Variants in RNF207 observed in about 807,000 individuals in gnomAD.
RNF207 encodes OTTHUMG00000001089.
RNF207 carries 72 observed loss-of-function variants against 79.0 expected under a neutral mutation model. That is an observed-to-expected ratio of 0.91 (90% CI 0.75 to 1.11). The LOEUF is 1.11. RNF207 is among the 50% of genes least tolerant of loss of function. RNF207 has a pLI of 0.00. For missense variants in RNF207, 936 were observed against 855.8 expected, an observed-to-expected ratio of 1.09 and a Z score of -1.17; for synonymous variants, 348 against 366.2, an observed-to-expected ratio of 0.95 and a Z score of 0.57.
At chr1:6,219,190 G>T in intron 17 of RNF207, 46 bp from the exon 18 acceptor site, 3 of 1,541,980 alleles carry the variant, frequency 1.9e-6, no homozygotes, top group Non-Finnish European at 2.6e-6. Flanking sequence ...CAGGGATATG[G>T]TGAAATGGGG....
At chr1:6,212,605 G>A in intron 14 of RNF207, 77 bp from the exon 15 acceptor site, 1 of 1,365,632 alleles carries the variant, frequency 7.3e-7, no homozygotes, top group Non-Finnish European at 1.0e-6. Context: ...TTGTAGATCT[G>A]AGTAGCTAGA....
chr1:6,207,379 A>T lies in RNF207; in HGVS notation c.192A>T (p.Gln64His). ...TCTCGGGGCCTGGGCTTCTCTGCAG[A>T]CACCAGACGGTGCTGAAGGGTCCCA... ...TDGRLTCPLC[Q>H]HQTVLKGPSG... The change falls in exon 3 of 18, where the codon CAA becomes CAT. Residue 64 changes from glutamine (Q) to histidine (H), a missense_variant and splice_region_variant. Coordinates refer to ENST00000377939, the MANE Select transcript of RNF207 (RefSeq NM_207396.3). This position sits in a 1 kb window ranked among gnomAD's most constrained non-coding sequence, Gnocchi z 4.5. 6.6e-7 allele frequency: 1 copy of T among 1,509,040 alleles called. No homozygotes were observed. The highest frequency in any genetic ancestry group is 8.9e-7 in the Non-Finnish European group (1 of 1,129,062). The allele number at this position is 1,509,040 out of a possible 1,614,324, so 93.5% of individuals were successfully genotyped here.
rs774419104 is a variant in RNF207 at position 6,210,355 on chromosome 1, C to T, written c.874-15C>T. 5 of 1,613,300 alleles carry T rather than the reference C, an allele frequency of 3.1e-6. No homozygotes were observed. The highest frequency in any genetic ancestry group is 2.2e-5 in the South Asian group (2 of 90,998). ...TCCTCCCCGGCCAGGCACTGAGCAG[C>T]ATCCCCTCCCCCAGGTCCACCTGGT... On this transcript the variant is annotated splice_polypyrimidine_tract_variant and intron_variant, in intron 9 of 17. Transcript: ENST00000377939.
chr1:6,206,868 C>A, intron 2 of RNF207, 142 bp downstream of exon 2: 1 of 658,982 alleles, frequency 1.5e-6, no homozygotes, highest in Non-Finnish European at 2.6e-6. Flanking sequence ...GCACCCGGTC[C>A]TTAGCTCTCC....
chr1:6,213,804 C>G (rs1668267343), intron 16 of RNF207, among the ~76,000 whole-genome samples: 1 of 152,172 alleles, frequency 6.6e-6, no homozygotes, highest in Admixed American at 6.5e-5. Flanking sequence ...GTGCAGAGTC[C>G]TGACCAGGCT....
Position 6,207,324 on chromosome 1 carries a change from G to T in RNF207, c.192-55G>T. The T allele has an allele frequency of 2.0e-6, 3 of 1,493,646 alleles. No individual in the cohort carries two copies. Among genetic ancestry groups the T allele is most frequent in the East Asian group, 2.3e-5 (1 of 43,728 alleles). 92.5% of individuals were successfully genotyped at this position (1,493,646 alleles called of 1,614,324 possible). A position where few individuals can be genotyped will look rare whatever the true frequency, so the allele number is the denominator to read the frequency against. On this transcript the variant is annotated intron_variant, in intron 2 of 17. Coordinates refer to ENST00000377939, the MANE Select transcript of RNF207 (RefSeq NM_207396.3). This position sits in a 1 kb window ranked among gnomAD's most constrained non-coding sequence, Gnocchi z 4.5. ...CCAGCCTGGAATGTGAGGGGTGGGGGTGGGGAGCCCTGGGGAAGGGGTATC... is the reference window on the plus strand; with the variant it reads ...CCAGCCTGGAATGTGAGGGGTGGGGTTGGGGAGCCCTGGGGAAGGGGTATC...
At chr1:6,208,400 C>T (rs1162840785) in intron 3 of RNF207, 1 of 156,756 alleles carries the variant, frequency 6.4e-6, no homozygotes, top group Non-Finnish European at 1.4e-5. Flanking sequence ...CTCACAGCAA[C>T]CTCTGCCTCC....
At chr1:6,206,464 G>A (rs1470153037) in intron 1 of RNF207, 72 bp from the exon 2 acceptor site, 4 of 1,219,660 alleles carry the variant, frequency 3.3e-6, no homozygotes, top group Non-Finnish European at 4.5e-6. Flanking sequence ...CGGGCGCCCG[G>A]GCAGAGGGGC....
chr1:6,212,714 T>C lies in RNF207; in HGVS notation c.1515T>C (p.Asn505=), dbSNP rs187452392. The C allele has an allele frequency of 2.5e-6, 4 of 1,613,902 alleles. No homozygotes were observed. Among genetic ancestry groups the C allele is most frequent in the Admixed American group, 3.3e-5 (2 of 60,000 alleles). ...AGGAAGCCTATCAGCGAGTGGCTAA[T>C]GAGCAGGAGATTTATGAAGGTTCCA... The part of the protein sequence containing the change: ...IWEEAYQRVA[N]EQEIYEAQLH... The change falls in exon 15 of 18, where the codon AAT becomes AAC. Residue 505 remains asparagine (N), a synonymous_variant. Transcript: ENST00000377939.
At position 6,212,261 on chromosome 1, in the gene RNF207, G is replaced by A. The variant is rs765045163; in HGVS notation, c.1327G>A (p.Asp443Asn). 12 of 1,611,840 alleles carry A rather than the reference G, an allele frequency of 7.4e-6. No homozygotes were observed. In the South Asian group the frequency reaches 7.7e-5, roughly 10 times the overall value. Residue 443 changes from aspartate to asparagine, a missense_variant, in exon 14 of 18, where the codon GAC becomes AAC. Asp to Asn is a conservative substitution (Grantham distance 23). Coordinates refer to ENST00000377939, the MANE Select transcript of RNF207 (RefSeq NM_207396.3). Reference sequence around the variant, plus strand: ...GCAGGCAGAGATGCAGAGCCTAAAGGACCAGGTACAGGAGCTGCACCGAGA... The same window carrying A: ...GCAGGCAGAGATGCAGAGCCTAAAGAACCAGGTACAGGAGCTGCACCGAGA... Reference protein sequence around the residue: ...HLQAEMQSLKDQVQELHRDLT... With the variant: ...HLQAEMQSLKNQVQELHRDLT...
rs1403158131 is a variant in RNF207, at chr1:6,219,651, C to T, written c.*244C>T. 4.0e-6 allele frequency: 1 copy of T among 250,500 alleles called. No homozygotes were observed. Among genetic ancestry groups the T allele is most frequent in the East Asian group, 7.7e-5 (1 of 12,990 alleles). The allele number at this position is 250,500 out of a possible 1,614,324, so 15.5% of individuals were successfully genotyped here. A position where few individuals can be genotyped will look rare whatever the true frequency, so the allele number is the denominator to read the frequency against. On this transcript the variant is annotated 3_prime_UTR_variant, in exon 18 of 18. Transcript: ENST00000377939. ...GGGATTACAGGCGCCTGACACCACG[C>T]CCCGCTAATTTTTTGTATTTTTAGT...
chr1:6,215,414 G>A (rs1355793531), intron 16 of RNF207, among the ~76,000 whole-genome samples: 3 of 146,168 alleles, frequency 2.1e-5, no homozygotes, highest in Middle Eastern at 3.5e-3. Flanking sequence ...TGATCCTCCC[G>A]CCTCATCCTC....
At chr1:6,212,913 C>A in intron 15 of RNF207, 153 bp from the exon 16 acceptor site, 2 of 766,402 alleles carry the variant, frequency 2.6e-6, no homozygotes, top group Non-Finnish European at 2.3e-6. Context: ...GGTCAGGATT[C>A]ATTGAGTAGA....
chr1:6,210,955 G>T lies in RNF207; in HGVS notation c.1011+17G>T. The T allele has an allele frequency of 5.6e-6, 9 of 1,601,148 alleles. No individual in the cohort carries two copies. Among genetic ancestry groups the T allele is most frequent in the Non-Finnish European group, 7.7e-6 (9 of 1,174,270 alleles). On this transcript the variant is annotated intron_variant, in intron 11 of 17. Coordinates refer to ENST00000377939, the MANE Select transcript of RNF207 (RefSeq NM_207396.3). ...AGCAGCAAGGTGTGCAGTGGCCTGGGTGGGCCAGGGTCGGGGGCCCTGCAG... is the reference window on the plus strand; with the variant it reads ...AGCAGCAAGGTGTGCAGTGGCCTGGTTGGGCCAGGGTCGGGGGCCCTGCAG...
At position 6,211,974 on chromosome 1, in the gene RNF207, T is replaced by G; in HGVS notation, c.1217T>G (p.Ile406Ser). 6.3e-7 allele frequency: 1 copy of G among 1,580,500 alleles called. No individual in the cohort carries two copies. The highest frequency in any genetic ancestry group is 1.3e-5 in the African/African-American group (1 of 74,158). The change falls in exon 13 of 18, where the codon ATC (isoleucine) becomes AGC (serine). Residue 406 changes from isoleucine (I) to serine (S), a missense_variant. By Grantham distance (142) the Ile-to-Ser change is moderately radical. Coordinates refer to ENST00000377939, the MANE Select transcript of RNF207 (RefSeq NM_207396.3). This position sits in a 1 kb window ranked among gnomAD's most constrained non-coding sequence, Gnocchi z 4.2. Reference protein sequence around the residue: ...PVQKPTLHRSISTKVLLAEGE... With the variant: ...PVQKPTLHRSSSTKVLLAEGE... Reference sequence around the variant, plus strand: ...CAAAAGCCCACGCTGCACCGGTCCATCAGCACCAAGGTGCTGCTGGCGGAG... The same window carrying G: ...CAAAAGCCCACGCTGCACCGGTCCAGCAGCACCAAGGTGCTGCTGGCGGAG...
intron 13 of RNF207, 59 bp downstream of exon 13, chr1:6,212,112 T>C: frequency 1.3e-6 from 2 of 1,548,434 alleles, no homozygotes; most frequent in South Asian, 2.3e-5. Flanking sequence ...CTCACCAAGG[T>C]ACGCTCAGGG....
Position 6,207,272 on chromosome 1 carries a change from C to T in RNF207, c.192-107C>T. On this transcript the variant is annotated intron_variant, in intron 2 of 17. Coordinates refer to ENST00000377939, the MANE Select transcript of RNF207 (RefSeq NM_207396.3). This position sits in a 1 kb window ranked among gnomAD's most constrained non-coding sequence, Gnocchi z 4.5. ...CAGACCCCAGAGCTGTGGTGCACCC[C>T]ACCTCCCAACACAGCTATTTTTAGC... is the stretch of plus-strand genomic sequence containing the variant. 4 of 1,181,892 alleles carry T rather than the reference C, an allele frequency of 3.4e-6. No homozygotes were observed. Among genetic ancestry groups the T allele is most frequent in the South Asian group, 1.6e-5 (1 of 60,938 alleles). The allele number at this position is 1,181,892 out of a possible 1,614,324, so 73.2% of individuals were successfully genotyped here.
chr1:6,209,108 C>G lies in RNF207; in HGVS notation c.470-7C>G, dbSNP rs533051153. On this transcript the variant is annotated splice_polypyrimidine_tract_variant and splice_region_variant and intron_variant, in intron 4 of 17. Coordinates refer to ENST00000377939, the MANE Select transcript of RNF207 (RefSeq NM_207396.3). The stretch of plus-strand genomic sequence containing the variant: ...GGAGCCCTCACCACCGCCCGCCGCC[C>G]CCGCAGCGCTGCACGCAGAGCCCTA... The G allele has an allele frequency of 6.4e-7, 1 of 1,551,564 alleles. No homozygotes were observed. The highest frequency in any genetic ancestry group is 2.4e-5 in the East Asian group (1 of 41,102).
Position 6,207,876 on chromosome 1 carries a change from C to G in RNF207, c.324+365C>G, listed in dbSNP as rs1667976701. Reference sequence around the variant, plus strand: ...TACCCAAGTGGCATAGAAGCAGCTACAGCCCAGGGGAGGTGGGGACAGCAT... The same window carrying G: ...TACCCAAGTGGCATAGAAGCAGCTAGAGCCCAGGGGAGGTGGGGACAGCAT... On this transcript the variant is annotated intron_variant, in intron 3 of 17. Transcript: ENST00000377939. The surrounding 1 kb of genome is among the most constrained non-coding windows in gnomAD (Gnocchi z 4.5). The G allele has an allele frequency of 2.3e-6, 1 of 430,166 alleles. No homozygotes were observed. Among genetic ancestry groups the G allele is most frequent in the Non-Finnish European group, 4.5e-6 (1 of 220,458 alleles). The allele number at this position is 430,166 out of a possible 1,614,324, so 26.6% of individuals were successfully genotyped here. A position where few individuals can be genotyped will look rare whatever the true frequency, so the allele number is the denominator to read the frequency against.
Sources: allele counts gnomAD v4.1 joint callset (sites outside exome capture counted in the v4.1 genomes callset), GRCh38; gene constraint gnomAD v4.1.1; non-coding constraint Gnocchi (gnomAD v3.1); transcripts MANE v1.5; gene names NCBI Gene and HGNC (gene_info 2026-07-23, HGNC 2026-07-21).